Variants in DYSF observed in about 807,000 individuals in gnomAD.
DYSF encodes dysferlin.
Under a neutral mutation model 274.9 loss-of-function variants are expected in DYSF, and 212 were observed. The ratio of observed to expected loss-of-function variants is 0.77; its 90% CI spans 0.69 to 0.86. The LOEUF (loss-of-function observed/expected upper bound fraction) is 0.86, where lower values mean the gene tolerates loss of function less well. Ranked by LOEUF, DYSF falls within the 40% of genes least tolerant of loss-of-function variation. The pLI is 0.00. For missense variants in DYSF, 2,666 were observed against 2,783.2 expected, an observed-to-expected ratio of 0.96 and a Z score of 0.95; for synonymous variants, 1,091 against 1,078.7, an observed-to-expected ratio of 1.01 and a Z score of -0.22.
intron 26 of DYSF, among the ~76,000 whole-genome samples, chr2:71,569,144 G>T (rs2092287430): frequency 6.6e-6 from 1 of 152,226 alleles, no homozygotes; most frequent in Non-Finnish European, 1.5e-5. Context: ...AAAGTGCTGG[G>T]ATTACAGGCT....
At chr2:71,520,958 C>A (rs56343439) in intron 12 of DYSF, 54 bp downstream of exon 12, 8 of 1,500,100 alleles carry the variant, frequency 5.3e-6, no homozygotes, top group Non-Finnish European at 5.6e-6. Context: ...CACTTGGTTG[C>A]GGAGGCACCA....
intron 40 of DYSF, among the ~76,000 whole-genome samples, chr2:71,617,942 G>T (rs2093944537): frequency 7.1e-6 from 1 of 140,162 alleles, no homozygotes. Flanking sequence ...TGTGTGTGTG[G>T]TAGAGGTGGT....
At chr2:71,458,031 A>G (rs1297040517) in intron 1 of DYSF, among the ~76,000 whole-genome samples, 1 of 152,184 alleles carries the variant, frequency 6.6e-6, no homozygotes, top group Non-Finnish European at 1.5e-5. Flanking sequence ...GGAGAGAAGG[A>G]CTGCCTGCAT....
chr2:71,533,865 G>C (rs1042845304), intron 14 of DYSF, among the ~76,000 whole-genome samples: 2 of 152,218 alleles, frequency 1.3e-5, no homozygotes, highest in South Asian at 2.1e-4. Flanking sequence ...GTGGGATGAA[G>C]CATCTTTTTA....
At position 71,570,463 on chromosome 2, in the gene DYSF, C is replaced by G. The variant is rs956953057; in HGVS notation, c.3085+129C>G. On this transcript the variant is annotated intron_variant, in intron 28 of 55. Coordinates refer to ENST00000410020, the MANE Select transcript of DYSF (RefSeq NM_001130987.2). Reference sequence around the variant, plus strand: ...CAGGGACGCTTCTTGAAGGCACCCCCCACTCCAAGCTGCAAATTAGGACCG... The same window carrying G: ...CAGGGACGCTTCTTGAAGGCACCCCGCACTCCAAGCTGCAAATTAGGACCG... The G allele has an allele frequency of 4.2e-6, 6 of 1,416,518 alleles. No homozygotes were observed. In the Admixed American group the frequency reaches 5.8e-5, roughly 14 times the overall value. The allele number at this position is 1,416,518 out of a possible 1,614,324, so 87.7% of individuals were successfully genotyped here.
chr2:71,565,481 C>T (rs2092035968), intron 24 of DYSF, among the ~76,000 whole-genome samples: 1 of 152,138 alleles, frequency 6.6e-6, no homozygotes, highest in Admixed American at 6.5e-5. Context: ...GCCTAGTCCA[C>T]CTCCCCAAAG....
rs370423072 is a variant in DYSF at position 71,517,201 on chromosome 2, C to T, written c.1002+162C>T. 2.6e-5 allele frequency among the ~76,000 whole-genome samples: 4 copies of T among 152,328 alleles called. No individual in the cohort carries two copies. In the East Asian group the frequency reaches 5.8e-4, roughly 22 times the overall value. ...AAGCCCTCTGCACAGCATCTCCTTT[C>T]ACCCCAGAAAACCTCTCCACAAAGG... is the stretch of plus-strand genomic sequence containing the variant. On this transcript the variant is annotated intron_variant, in intron 10 of 55. Transcript: ENST00000410020.
At chr2:71,678,465 G>T (rs1454302752) in intron 52 of DYSF, among the ~76,000 whole-genome samples, 1 of 152,132 alleles carries the variant, frequency 6.6e-6, no homozygotes, top group African/African-American at 2.4e-5. Flanking sequence ...CCACTTATAT[G>T]AAATATCTAG....
intron 3 of DYSF, among the ~76,000 whole-genome samples, chr2:71,502,141 T>C (rs1223691952): frequency 2.0e-5 from 3 of 151,528 alleles, no homozygotes; most frequent in East Asian, 3.9e-4. Context: ...GCCATCCTAA[T>C]GGATGTGAAG....
intron 1 of DYSF, among the ~76,000 whole-genome samples, chr2:71,473,450 G>A (rs2082177952): frequency 6.6e-6 from 1 of 152,208 alleles, no homozygotes; most frequent in Non-Finnish European, 1.5e-5. Flanking sequence ...CTAGGCTGCT[G>A]CAGGATCCAA....
In DYSF at chr2:71,551,761, A is replaced by G. The variant is rs773326746; in HGVS notation, c.1806+41A>G. On this transcript the variant is annotated intron_variant, in intron 19 of 55. Transcript: ENST00000410020. The stretch of plus-strand genomic sequence containing the variant: ...CTGGGTGGGAGCTGGGCGTCGGGGC[A>G]GGGAAGGGATGGCCAGGCTGGGACT... 3.2e-5 allele frequency: 49 copies of G among 1,528,702 alleles called. No homozygotes were observed. The Middle Eastern group carries it at 1.4e-3, about 43-fold the overall frequency. The allele number at this position is 1,528,702 out of a possible 1,614,324, so 94.7% of individuals were successfully genotyped here.
At chr2:71,518,262 T>G (rs111488330) in intron 10 of DYSF, among the ~76,000 whole-genome samples, 69 of 151,516 alleles carry the variant, frequency 4.6e-4, no homozygotes, top group African/African-American at 1.6e-3. Context: ...ATGATTTTTT[T>G]TTTTTTTTTT....
At chr2:71,565,264 T>TTTTTTTTTTA (rs1314862984) in intron 24 of DYSF, among the ~76,000 whole-genome samples, 2 of 148,784 alleles carry the variant, frequency 1.3e-5, no homozygotes, top group African/African-American at 5.0e-5. Context: ...TTTTTTTTTT[T>TTTTTTTTTTA]AATTTTAGTG....
chr2:71,475,205 C>T (rs7560999), intron 1 of DYSF, among the ~76,000 whole-genome samples: 3,447 of 152,280 alleles, frequency 0.023, 147 homozygotes, highest in African/African-American at 0.079. Flanking sequence ...TTCTTCCTCC[C>T]TCCGCTGACA....
chr2:71,632,777 C>T (rs1044430751), intron 41 of DYSF, among the ~76,000 whole-genome samples: 21 of 152,126 alleles, frequency 1.4e-4, no homozygotes, highest in African/African-American at 4.6e-4. Context: ...CAGTCATGGG[C>T]CCCCAAGGAT....
chr2:71,500,242 G>A lies in DYSF; in HGVS notation c.240-2972G>A, dbSNP rs188670209. On this transcript the variant is annotated intron_variant, in intron 3 of 55. Coordinates refer to ENST00000410020, the MANE Select transcript of DYSF (RefSeq NM_001130987.2). ...AGCCTCCCAGGGGTCCCTCTTCTGC[G>A]CCCCCCACCTCTCCTCCCTGAGCAA... Among the ~76,000 whole-genome samples, 20 of 151,166 alleles carry A rather than the reference G, an allele frequency of 1.3e-4. No homozygotes were observed. In the East Asian group the frequency reaches 3.1e-3, roughly 23 times the overall value.
intron 23 of DYSF, 88 bp downstream of exon 23, chr2:71,562,032 T>C: frequency 1.3e-6 from 2 of 1,526,102 alleles, no homozygotes; most frequent in South Asian, 1.2e-5. Flanking sequence ...ATGTCTGGAT[T>C]ATTACCCACC....
chr2:71,506,956 G>T (rs1015819244), intron 4 of DYSF, among the ~76,000 whole-genome samples: 48 of 152,266 alleles, frequency 3.2e-4, no homozygotes, highest in African/African-American at 1.1e-3. Flanking sequence ...CCCGGATGGT[G>T]CCAGTTCTTC....
chr2:71,571,751 C>T (rs1364331247), intron 29 of DYSF, among the ~76,000 whole-genome samples: 1 of 139,048 alleles, frequency 7.2e-6, no homozygotes, highest in African/African-American at 2.7e-5. Flanking sequence ...AGATCACAGT[C>T]AGCACACACA....
Sources: gnomAD v4.1 joint callset for allele counts (sites outside exome capture counted in the v4.1 genomes callset) on GRCh38, gnomAD v4.1.1 for gene constraint, MANE v1.5 for transcripts, NCBI Gene and HGNC (gene_info 2026-07-23, HGNC 2026-07-21) for gene names.